MMAB: variants seen among roughly 807,000 people sequenced by gnomAD.
MMAB encodes metabolism of cobalamin associated B, also known as corrinoid adenosyltransferase MMAB.
In MMAB, 17 loss-of-function variants were observed where a neutral mutation model predicts 30.6. The observed-to-expected ratio is 0.56, with a 90% CI of 0.38 to 0.83. The LOEUF is 0.83. Ranked by LOEUF, MMAB falls within the 40% of genes least tolerant of loss-of-function variation. The pLI, the probability that MMAB is intolerant of heterozygous loss-of-function variation, is 0.00. For synonymous variants in MMAB, 134 were observed against 138.6 expected (o/e 0.97, Z 0.23); for missense variants, 311 against 331.6 (o/e 0.94, Z 0.48).
intron 3 of MMAB, among the ~76,000 whole-genome samples, chr12:109,566,676 G>A (rs760545463): frequency 2.8e-4 from 42 of 152,148 alleles, no homozygotes; most frequent in Non-Finnish European, 5.1e-4. Context: ...CTGAGGTTCT[G>A]CTCCCTGCAC....
chr12:109,561,227 G>A lies in MMAB; in HGVS notation c.520-123C>T, dbSNP rs754014750. On this transcript the variant is annotated intron_variant, in intron 6 of 8. Coordinates refer to ENST00000545712, the MANE Select transcript of MMAB (RefSeq NM_052845.4). The surrounding 1 kb of genome is among the most constrained non-coding windows in gnomAD (Gnocchi z 5.3). ...GCAGTGTTCTGCCTCCAGGAGCCCT[G>A]CCACGGCACACCCACCGGGCACGCT... The A allele has an allele frequency of 3.1e-5, 49 of 1,595,086 alleles. No individual in the cohort carries two copies. Among genetic ancestry groups the A allele is most frequent in the Non-Finnish European group, 3.7e-5 (44 of 1,177,866 alleles).
In MMAB at chr12:109,558,700, T is replaced by C. The variant is rs1231547353; in HGVS notation, c.644+396A>G. Reference sequence around the variant, plus strand: ...TTGGTTCATGCTGCCGCAGGCCCTCTCGGGGACAGGAAACTGGCTGAGAGA... The same window carrying C: ...TTGGTTCATGCTGCCGCAGGCCCTCCCGGGGACAGGAAACTGGCTGAGAGA... On this transcript the variant is annotated intron_variant, in intron 8 of 8. Coordinates refer to ENST00000545712, the MANE Select transcript of MMAB (RefSeq NM_052845.4). This position sits in a 1 kb window ranked among gnomAD's most constrained non-coding sequence, Gnocchi z 4.3. Among the ~76,000 whole-genome samples the C allele has an allele frequency of 6.6e-6, 1 of 151,810 alleles. No homozygotes were observed. The highest frequency in any genetic ancestry group is 2.4e-5 in the African/African-American group (1 of 41,306).
chr12:109,564,778 A>C (rs1884355397), intron 4 of MMAB: 1 of 415,608 alleles, frequency 2.4e-6, no homozygotes, highest in Admixed American at 3.5e-5. Flanking sequence ...TCCTGGGCTC[A>C]AGAGATCCTC....
Position 109,557,122 on chromosome 12 carries a change from A to C in MMAB, c.659T>G (p.Leu220Arg). 6.2e-7 allele frequency: 1 copy of C among 1,612,254 alleles called. No homozygotes were observed. Among genetic ancestry groups the C allele is most frequent in the Non-Finnish European group, 8.5e-7 (1 of 1,178,260 alleles). Residue 220 changes from leucine to arginine, a missense_variant, in exon 9 of 9, where the codon CTC becomes CGC. Leu to Arg is a moderately radical substitution (Grantham distance 102, BLOSUM62 -2). Coordinates refer to ENST00000545712, the MANE Select transcript of MMAB (RefSeq NM_052845.4). Reference sequence around the variant, plus strand: ...GGCTGCATATCTGGCTAGCGTGAAGAGATAGTCACTGAGTCTGGAGGGGCA... The same window carrying C: ...GGCTGCATATCTGGCTAGCGTGAAGCGATAGTCACTGAGTCTGGAGGGGCA... ...AKFLNRLSDY[L>R]FTLARYAAMK...
chr12:109,571,177 G>T (rs1884615915), intron 2 of MMAB, among the ~76,000 whole-genome samples: 1 of 151,940 alleles, frequency 6.6e-6, no homozygotes, highest in Non-Finnish European at 1.5e-5. Flanking sequence ...ATATCTCTTG[G>T]GTGTTTTTCA....
At position 109,558,701 on chromosome 12, in the gene MMAB, C is replaced by T. The variant is rs1345196036; in HGVS notation, c.644+395G>A. 6.6e-6 allele frequency among the ~76,000 whole-genome samples: 1 copy of T among 152,006 alleles called. No individual in the cohort carries two copies. The highest frequency in any genetic ancestry group is 2.4e-5 in the African/African-American group (1 of 41,378). Reference sequence around the variant, plus strand: ...TGGTTCATGCTGCCGCAGGCCCTCTCGGGGACAGGAAACTGGCTGAGAGAG... The same window carrying T: ...TGGTTCATGCTGCCGCAGGCCCTCTTGGGGACAGGAAACTGGCTGAGAGAG... On this transcript the variant is annotated intron_variant, in intron 8 of 8. Coordinates refer to ENST00000545712, the MANE Select transcript of MMAB (RefSeq NM_052845.4). This position sits in a 1 kb window ranked among gnomAD's most constrained non-coding sequence, Gnocchi z 4.3.
chr12:109,570,401 T>C (rs1364612039), intron 2 of MMAB, among the ~76,000 whole-genome samples: 2 of 152,252 alleles, frequency 1.3e-5, no homozygotes, highest in Non-Finnish European at 2.9e-5. Context: ...TTCCTTCTTT[T>C]TAATTGTGGT....
chr12:109,557,684 CA>C (rs1186497483), intron 8 of MMAB, among the ~76,000 whole-genome samples: 2 of 152,222 alleles, frequency 1.3e-5, no homozygotes, highest in East Asian at 3.9e-4. Context: ...GCATCCTGTG[CA>C]GTGTAGGATG....
chr12:109,568,954 A>T (rs1197007927), intron 2 of MMAB, 91 bp from the exon 3 acceptor site: 3 of 998,934 alleles, frequency 3.0e-6, no homozygotes, highest in Non-Finnish European at 3.2e-6. Context: ...GATTTTAAAG[A>T]ACTTTCTCTT....
At chr12:109,567,454 A>G in intron 3 of MMAB, among the ~76,000 whole-genome samples, 1 of 152,148 alleles carries the variant, frequency 6.6e-6, no homozygotes. Flanking sequence ...GTCAGATTTC[A>G]GGATCCAGCA....
Position 109,573,355 on chromosome 12 carries a change from G to C in MMAB, c.126C>G (p.Asp42Glu). The C allele has an allele frequency of 1.2e-6, 2 of 1,613,260 alleles. No individual in the cohort carries two copies. The highest frequency in any genetic ancestry group is 1.7e-6 in the Non-Finnish European group (2 of 1,179,878). ...FQSRGPQGVE[D>E]GDRPQPSSKT... ...TCCCGCCAGCCACTCACCTGTCCCC[G>C]TCTTCCACGCCCTGAGGGCCGCGGC... Residue 42 changes from aspartate (D) to glutamate (E), a missense_variant, in exon 1 of 9, where the codon GAC (aspartate) becomes GAG (glutamate). Transcript: ENST00000545712.
At chr12:109,571,555 T>C in intron 2 of MMAB, 94 bp downstream of exon 2, 1 of 1,241,610 alleles carries the variant, frequency 8.1e-7, no homozygotes, top group Non-Finnish European at 1.2e-6. Context: ...CCTGGTATAT[T>C]ATACTTTAAA....
Position 109,567,016 on chromosome 12 carries a change from C to T in MMAB, c.290+1754G>A, listed in dbSNP as rs190812128. On this transcript the variant is annotated intron_variant, in intron 3 of 8. Coordinates refer to ENST00000545712, the MANE Select transcript of MMAB (RefSeq NM_052845.4). ...ATCTGTCCCGAAAATCTCACCTAGT[C>T]AGGCCCGCCATGGAGAAATGGTAGC... The T allele has an allele frequency of 1.1e-3, 512 of 456,036 alleles. 4 individuals carry two copies. Among genetic ancestry groups the T allele is most frequent in the African/African-American group, 9.7e-3 (486 of 50,120 alleles). The allele number at this position is 456,036 out of a possible 1,614,324, so 28.2% of individuals were successfully genotyped here. A position where few individuals can be genotyped will look rare whatever the true frequency, so the allele number is the denominator to read the frequency against.
chr12:109,558,176 C>T lies in MMAB; in HGVS notation c.644+920G>A, dbSNP rs7302373. Among the ~76,000 whole-genome samples, 12,943 of 152,100 alleles carry T rather than the reference C, an allele frequency of 0.085. 1,273 individuals are homozygous for T. Among genetic ancestry groups the T allele is most frequent in the African/African-American group, 0.24 (9,873 of 41,438 alleles). On this transcript the variant is annotated intron_variant, in intron 8 of 8. Coordinates refer to ENST00000545712, the MANE Select transcript of MMAB (RefSeq NM_052845.4). The surrounding 1 kb of genome is among the most constrained non-coding windows in gnomAD (Gnocchi z 4.3). ...TGTTCAGGGTATTTTACCCCTGGGC[C>T]GCATGCTCCTGGAGGGCAGTGGTGT...
chr12:109,553,935 C>A lies in MMAB; in HGVS notation c.*3093G>T, dbSNP rs761311944. 1 of 453,872 alleles carries A rather than the reference C, an allele frequency of 2.2e-6. No individual in the cohort carries two copies. The highest frequency in any genetic ancestry group is 4.4e-6 in the Non-Finnish European group (1 of 226,788). 28.1% of individuals were successfully genotyped at this position (453,872 alleles called of 1,614,324 possible). A position where few individuals can be genotyped will look rare whatever the true frequency, so the allele number is the denominator to read the frequency against. On this transcript the variant is annotated 3_prime_UTR_variant, in exon 9 of 9. Coordinates refer to ENST00000545712, the MANE Select transcript of MMAB (RefSeq NM_052845.4). The stretch of plus-strand genomic sequence containing the variant: ...TTGTCATTGGGATGTGTTACAAGTT[C>A]GGGCTGTGGAAATTACTCGATGAAA...
chr12:109,559,081 G>C lies in MMAB; in HGVS notation c.644+15C>G. The C allele has an allele frequency of 1.9e-6, 3 of 1,609,916 alleles. No individual in the cohort carries two copies. Among genetic ancestry groups the C allele is most frequent in the Non-Finnish European group, 2.6e-6 (3 of 1,176,408 alleles). ...TCGGCTTTCAGAGAGGAACCCCCAG[G>C]TTCCACGCGAGTACCTGTTTAAGAA... On this transcript the variant is annotated intron_variant, in intron 8 of 8. Transcript: ENST00000545712.
intron 4 of MMAB, among the ~76,000 whole-genome samples, chr12:109,562,911 C>G (rs925595350): frequency 1.3e-5 from 2 of 152,196 alleles, no homozygotes; most frequent in Non-Finnish European, 2.9e-5. Context: ...GTGAAGACCA[C>G]AAGTACCACC....
intron 3 of MMAB, among the ~76,000 whole-genome samples, chr12:109,566,821 G>C (rs1225131363): frequency 6.6e-6 from 1 of 152,246 alleles, no homozygotes; most frequent in African/African-American, 2.4e-5. Context: ...TCAACTGAGA[G>C]ACGATGGCTC....
At chr12:109,560,603 C>T (rs1007292108) in intron 7 of MMAB, among the ~76,000 whole-genome samples, 5 of 152,206 alleles carry the variant, frequency 3.3e-5, no homozygotes, top group African/African-American at 1.2e-4. Flanking sequence ...GCCATGCAGG[C>T]CTTTCAGGAG....
Sources: gnomAD v4.1 joint callset for allele counts (sites outside exome capture counted in the v4.1 genomes callset) on GRCh38, gnomAD v4.1.1 for gene constraint, Gnocchi (gnomAD v3.1) non-coding constraint, MANE v1.5 for transcripts, NCBI Gene and HGNC (gene_info 2026-07-23, HGNC 2026-07-21) for gene names.